The following TNIK variants were observed in gnomAD, a reference collection of about 807,000 sequenced individuals.
TNIK encodes the protein TRAF2 and NCK-interacting protein kinase.
Under a neutral mutation model 191.3 loss-of-function variants are expected in TNIK, and 49 were observed. The ratio of observed to expected loss-of-function variants is 0.26; its 90% CI spans 0.20 to 0.32. The LOEUF (loss-of-function observed/expected upper bound fraction) is 0.32, where lower values mean the gene tolerates loss of function less well. Ranked by LOEUF, TNIK falls within the 10% of genes least tolerant of loss-of-function variation. The probability of loss-of-function intolerance (pLI) is 1.00; values close to 1 mark genes in which losing one functional copy is unlikely to be tolerated. For missense variants in TNIK, 1,155 were observed against 1,702.3 expected, an observed-to-expected ratio of 0.68 and a Z score of 5.66; for synonymous variants, 594 against 600.9, an observed-to-expected ratio of 0.99 and a Z score of 0.17.
chr3:171,288,460 C>T (rs1407803055), intron 2 of TNIK, among the ~76,000 whole-genome samples: 1 of 152,078 alleles, frequency 6.6e-6, no homozygotes, highest in African/African-American at 2.4e-5. Flanking sequence ...ACCATAAGGG[C>T]TGGTGGCATG....
At chr3:171,176,356 CATAAGTATA>C (rs1200662349) in intron 8 of TNIK, among the ~76,000 whole-genome samples, 3 of 152,146 alleles carry the variant, frequency 2.0e-5, no homozygotes, top group Non-Finnish European at 2.9e-5. Context: ...AGGTAAAAGT[CATAAGTATA>C]ATGACCTGTC....
At chr3:171,311,173 C>T (rs952538120) in intron 2 of TNIK, among the ~76,000 whole-genome samples, 1 of 152,166 alleles carries the variant, frequency 6.6e-6, no homozygotes, top group South Asian at 2.1e-4. Flanking sequence ...CAGTAGCTTT[C>T]CCATTCAAAG....
At chr3:171,426,654 T>C (rs1724670401) in intron 1 of TNIK, among the ~76,000 whole-genome samples, 1 of 152,154 alleles carries the variant, frequency 6.6e-6, no homozygotes, top group Non-Finnish European at 1.5e-5. Context: ...CCCTCCTTTT[T>C]GAACTGGAGC....
chr3:171,265,517 G>A (rs1423184954), intron 2 of TNIK, among the ~76,000 whole-genome samples: 1 of 152,172 alleles, frequency 6.6e-6, no homozygotes, highest in African/African-American at 2.4e-5. Flanking sequence ...AATTTGGGCA[G>A]ACAGAGATTT....
At chr3:171,140,742 T>A (rs1025651309) in intron 12 of TNIK, among the ~76,000 whole-genome samples, 2 of 152,170 alleles carry the variant, frequency 1.3e-5, no homozygotes, top group African/African-American at 4.8e-5. Flanking sequence ...AAGTAGACTC[T>A]CACCAAGACG....
intron 9 of TNIK, among the ~76,000 whole-genome samples, chr3:171,174,242 G>A (rs1735697728): frequency 1.3e-5 from 2 of 152,146 alleles, no homozygotes; most frequent in South Asian, 2.1e-4. Context: ...TATGGTAGAG[G>A]TGAGCCTGTG....
In TNIK at chr3:171,101,499, C is replaced by G. The variant is rs1475322502; in HGVS notation, c.2541G>C (p.Glu847Asp). The G allele has an allele frequency of 1.2e-6, 2 of 1,613,394 alleles. No homozygotes were observed. The highest frequency in any genetic ancestry group is 1.7e-6 in the Non-Finnish European group (2 of 1,179,556). The change falls in exon 22 of 33, where the codon GAG becomes GAC. Residue 847 changes from glutamate to aspartate, a missense_variant. Transcript: ENST00000436636. ...ESSEEEEEDG[E>D]SETHDGTVAV... ...CCACTGTCCCATCATGGGTCTCGCT[C>G]TCTCCATCTTCCTCCTCTTCCTCGC...
At chr3:171,131,411 ACAGG>A (rs1434539508) in intron 15 of TNIK, among the ~76,000 whole-genome samples, 1 of 141,674 alleles carries the variant, frequency 7.1e-6, no homozygotes, top group Non-Finnish European at 1.5e-5. Flanking sequence ...ACTGGTTTTC[ACAGG>A]CAATGAATGG....
chr3:171,215,831 A>G (rs1741393634), intron 3 of TNIK, among the ~76,000 whole-genome samples: 1 of 152,206 alleles, frequency 6.6e-6, no homozygotes, highest in African/African-American at 2.4e-5. Flanking sequence ...TATTAGTTAT[A>G]TGCTCTGTAA....
intron 2 of TNIK, among the ~76,000 whole-genome samples, chr3:171,231,688 TGGAG>T (rs1434348949): frequency 1.3e-5 from 2 of 152,204 alleles, no homozygotes; most frequent in South Asian, 4.1e-4. Context: ...AAGGCAGACT[TGGAG>T]GGAATGGCAG....
chr3:171,101,046 T>C (rs1057428235), intron 22 of TNIK, among the ~76,000 whole-genome samples: 1 of 152,144 alleles, frequency 6.6e-6, no homozygotes, highest in Non-Finnish European at 1.5e-5. Context: ...GTGGTGGTAA[T>C]GAAATACATG....
rs76428531 is a variant in TNIK at position 171,116,349 on chromosome 3, T to C, written c.2121-5472A>G. Among the ~76,000 whole-genome samples, 48 of 152,368 alleles carry C rather than the reference T, an allele frequency of 3.2e-4. 1 individual carries two copies. The East Asian group carries it at 9.1e-3, about 29-fold the overall frequency. The stretch of plus-strand genomic sequence containing the variant: ...ATTCAGATCCGAATGTGTAAAAACC[T>C]GAAAACATCCAAATGGATTTCTTTA... On this transcript the variant is annotated intron_variant, in intron 18 of 32. Transcript: ENST00000436636.
At chr3:171,451,749 T>C (rs1728202583) in intron 1 of TNIK, among the ~76,000 whole-genome samples, 1 of 152,162 alleles carries the variant, frequency 6.6e-6, no homozygotes, top group African/African-American at 2.4e-5. Flanking sequence ...GTAGAAACCA[T>C]GCCAATGTTG....
chr3:171,226,659 A>G (rs905007602), intron 3 of TNIK, among the ~76,000 whole-genome samples: 1 of 152,182 alleles, frequency 6.6e-6, no homozygotes, highest in African/African-American at 2.4e-5. Flanking sequence ...AATACCTAAA[A>G]CTTAAATAAT....
intron 2 of TNIK, among the ~76,000 whole-genome samples, chr3:171,290,061 T>C (rs1025045930): frequency 6.6e-6 from 1 of 152,128 alleles, no homozygotes; most frequent in African/African-American, 2.4e-5. Flanking sequence ...TGGTACTAGA[T>C]TTTAGTAGGG....
chr3:171,228,205 G>A lies in TNIK; in HGVS notation c.140C>T (p.Thr47Met), dbSNP rs779657276. ...GQVYKGRHVK[T>M]GQLAAIKVMD... Reference sequence around the variant, plus strand: ...AACCTTGATGGCTGCAAGCTGGCCCGTTTTGACATGACGACCCTGTGAAGA... The same window carrying A: ...AACCTTGATGGCTGCAAGCTGGCCCATTTTGACATGACGACCCTGTGAAGA... Residue 47 changes from threonine (T) to methionine (M), a missense_variant, in exon 3 of 33, where the codon ACG becomes ATG. By Grantham distance (81) the Thr-to-Met change is moderately conservative. Transcript: ENST00000436636. 40 of 1,613,432 alleles carry A rather than the reference G, an allele frequency of 2.5e-5. No individual in the cohort carries two copies. Among genetic ancestry groups the A allele is most frequent in the South Asian group, 4.4e-5 (4 of 91,068 alleles).
At position 171,161,899 on chromosome 3, in the gene TNIK, G is replaced by A. The variant is rs145489240; in HGVS notation, c.950-563C>T. Among the ~76,000 whole-genome samples, 197 of 152,192 alleles carry A rather than the reference G, an allele frequency of 1.3e-3. 2 individuals are homozygous for A. The highest frequency in any genetic ancestry group is 0.011 in the East Asian group (59 of 5,176). Reference sequence around the variant, plus strand: ...CGTGCCACTGCACTCTAGCATGGGCGACAGAGCGAGGCCCTGTCTCAAAAT... The same window carrying A: ...CGTGCCACTGCACTCTAGCATGGGCAACAGAGCGAGGCCCTGTCTCAAAAT... On this transcript the variant is annotated intron_variant, in intron 10 of 32. Transcript: ENST00000436636.
At chr3:171,384,519 A>C (rs1718469902) in intron 1 of TNIK, among the ~76,000 whole-genome samples, 1 of 152,236 alleles carries the variant, frequency 6.6e-6, no homozygotes, top group South Asian at 2.1e-4. Flanking sequence ...ATGGTACCAA[A>C]GTATTGATAA....
At chr3:171,345,075 T>C (rs1711948303) in intron 2 of TNIK, among the ~76,000 whole-genome samples, 2 of 152,172 alleles carry the variant, frequency 1.3e-5, no homozygotes, top group Non-Finnish European at 1.5e-5. Flanking sequence ...TCAACTGATG[T>C]GAATCAACCC....
Sources: gnomAD v4.1 joint callset for allele counts (sites outside exome capture counted in the v4.1 genomes callset) on GRCh38, gnomAD v4.1.1 for gene constraint, MANE v1.5 for transcripts, NCBI Gene and HGNC (gene_info 2026-07-23, HGNC 2026-07-21) for gene names.